LACRT: variants seen among roughly 807,000 people sequenced by gnomAD.
LACRT encodes lacritin, also known as extracellular glycoprotein lacritin.
Under a neutral mutation model 14.5 loss-of-function variants are expected in LACRT, and 14 were observed. The ratio of observed to expected loss-of-function variants is 0.96; its 90% CI spans 0.64 to 1.51. LACRT has a LOEUF of 1.51. Among genes scored for constraint, LACRT ranks in the 40% most tolerant of loss-of-function variants. The probability of loss-of-function intolerance (pLI) is 0.00; values close to 1 mark genes in which losing one functional copy is unlikely to be tolerated. For synonymous variants in LACRT, 70 were observed against 63.5 expected (o/e 1.10, Z -0.48); for missense variants, 156 against 161.8 (o/e 0.96, Z 0.19).
intron 2 of LACRT, 99 bp downstream of exon 2, chr12:54,633,081 G>T: frequency 1.7e-6 from 2 of 1,145,258 alleles, no homozygotes; most frequent in Non-Finnish European, 2.7e-6. Context: ...ACAGAATCCA[G>T]ATCTCCTCCC....
intron 2 of LACRT, 132 bp from the exon 3 acceptor site, chr12:54,632,513 C>T: frequency 9.6e-7 from 1 of 1,044,830 alleles, no homozygotes; most frequent in Non-Finnish European, 1.4e-6. Context: ...TTAAACGCTG[C>T]CCCCTTAAGG....
At position 54,631,736 on chromosome 12, in the gene LACRT, A is replaced by G. The variant is rs201375145; in HGVS notation, c.355+2T>C. ...CAAAGCCTTGCCTTGGGATGCACTC[A>G]CTTTCGATGAATTGTTTTCCACCTG... On this transcript the variant is annotated splice_donor_variant, in intron 4 of 4. Transcript: ENST00000257867. LOFTEE classifies it high-confidence loss of function. 36 of 1,609,104 alleles carry G rather than the reference A, an allele frequency of 2.2e-5. 1 individual carries two copies. In the Admixed American group the frequency reaches 3.8e-4, roughly 17 times the overall value.
intron 3 of LACRT, 89 bp from the exon 4 acceptor site, chr12:54,631,928 CCCCCA>C: frequency 1.4e-6 from 1 of 729,640 alleles, no homozygotes; most frequent in South Asian, 1.5e-5. Context: ...CCGCCCCCCA[CCCCCA>C]CTCCACCCAG....
chr12:54,631,026 A>C (rs1356175627), intron 4 of LACRT, 73 bp from the exon 5 acceptor site: 1 of 919,086 alleles, frequency 1.1e-6, no homozygotes, highest in East Asian at 2.4e-5. Flanking sequence ...ATTTCTCCTC[A>C]ATTCCATCTC....
chr12:54,631,390 C>T (rs1008505919), intron 4 of LACRT, among the ~76,000 whole-genome samples: 1 of 152,200 alleles, frequency 6.6e-6, no homozygotes, highest in Non-Finnish European at 1.5e-5. Flanking sequence ...CAGGCATGTG[C>T]CACCACGCCT....
chr12:54,631,017 T>C lies in LACRT; in HGVS notation c.356-64A>G, dbSNP rs1958149246. On this transcript the variant is annotated intron_variant, in intron 4 of 4. Transcript: ENST00000257867. ...CCAGGCACCAGCTCCACCCCTTCCATTTCTCCTCAATTCCATCTCTGCTTT... is the reference window on the plus strand; with the variant it reads ...CCAGGCACCAGCTCCACCCCTTCCACTTCTCCTCAATTCCATCTCTGCTTT... The C allele has an allele frequency of 8.1e-6, 8 of 986,738 alleles. No individual in the cohort carries two copies. The South Asian group carries it at 1.0e-4, about 13-fold the overall frequency. The allele number at this position is 986,738 out of a possible 1,614,324, so 61.1% of individuals were successfully genotyped here. A position where few individuals can be genotyped will look rare whatever the true frequency, so the allele number is the denominator to read the frequency against.
Position 54,632,324 on chromosome 12 carries a change from G to A in LACRT, c.170C>T (p.Thr57Ile). Residue 57 changes from threonine (T) to isoleucine (I), a missense_variant, in exon 3 of 5, where the codon ACC becomes ATC. Coordinates refer to ENST00000257867, the MANE Select transcript of LACRT (RefSeq NM_033277.2). ...PAEPASPPET[T>I]TTAQETSAAA... The stretch of plus-strand genomic sequence containing the variant: ...CGCCGAAGTCTCCTGGGCTGTTGTG[G>A]TTGTCTCTGGGGGTGAAGCTGGTTC... The A allele has an allele frequency of 3.1e-6, 5 of 1,614,150 alleles. No homozygotes were observed. The highest frequency in any genetic ancestry group is 4.2e-6 in the Non-Finnish European group (5 of 1,180,018).
chr12:54,632,715 G>A (rs1350802083), intron 2 of LACRT, among the ~76,000 whole-genome samples: 1 of 152,112 alleles, frequency 6.6e-6, no homozygotes, highest in East Asian at 1.9e-4. Flanking sequence ...GAGGTCAGGC[G>A]AAGGCATGTG....
chr12:54,633,922 G>C (rs1958170139), intron 1 of LACRT, among the ~76,000 whole-genome samples: 1 of 152,084 alleles, frequency 6.6e-6, no homozygotes, highest in African/African-American at 2.4e-5. Flanking sequence ...TCATTGGCCA[G>C]GTGACATTAG....
At chr12:54,632,609 CG>C (rs1316819815) in intron 2 of LACRT, among the ~76,000 whole-genome samples, 1 of 151,984 alleles carries the variant, frequency 6.6e-6, no homozygotes, top group Non-Finnish European at 1.5e-5. Context: ...TGGTGAGAAT[CG>C]GGGAGCACTT....
intron 2 of LACRT, 137 bp downstream of exon 2, chr12:54,633,043 T>C (rs961351189): frequency 5.9e-6 from 5 of 850,632 alleles, no homozygotes; most frequent in African/African-American, 5.0e-5. Flanking sequence ...TTTATTATAT[T>C]ACCTGCCCCT....
At chr12:54,631,866 C>A in intron 3 of LACRT, 27 bp from the exon 4 acceptor site, 1 of 1,544,052 alleles carries the variant, frequency 6.5e-7, no homozygotes, top group Non-Finnish European at 9.0e-7. Flanking sequence ...ACAATCACAT[C>A]AGCAGAAAAA....
intron 1 of LACRT, among the ~76,000 whole-genome samples, chr12:54,633,856 G>T (rs1481735384): frequency 6.6e-6 from 1 of 152,150 alleles, no homozygotes; most frequent in Admixed American, 6.5e-5. Context: ...TTCCGCATGT[G>T]CATGGAAGGC....
At chr12:54,634,336 A>C (rs1193511604) in intron 1 of LACRT, among the ~76,000 whole-genome samples, 1 of 133,440 alleles carries the variant, frequency 7.5e-6, no homozygotes, top group African/African-American at 2.9e-5. Context: ...TGGGCAACAG[A>C]GGGAGACTCG....
intron 1 of LACRT, 104 bp from the exon 2 acceptor site, chr12:54,633,337 G>A: frequency 1.0e-6 from 1 of 958,708 alleles, no homozygotes; most frequent in Non-Finnish European, 1.6e-6. Flanking sequence ...GAATGCTCAT[G>A]GATAGAAGGG....
At chr12:54,632,766 G>T (rs972820250) in intron 2 of LACRT, among the ~76,000 whole-genome samples, 1 of 152,086 alleles carries the variant, frequency 6.6e-6, no homozygotes, top group African/African-American at 2.4e-5. Flanking sequence ...ATGTGGGTGC[G>T]ACATAAAAGA....
intron 4 of LACRT, 78 bp downstream of exon 4, chr12:54,631,660 C>T: frequency 9.3e-7 from 1 of 1,070,346 alleles, no homozygotes; most frequent in Non-Finnish European, 1.5e-6. Context: ...GGGGCAAGTT[C>T]TGTCCCATAT....
chr12:54,632,320 T>C lies in LACRT; in HGVS notation c.174A>G (p.Thr58=). The change falls in exon 3 of 5, where the codon ACA becomes ACG. Residue 58 remains threonine (T), a synonymous_variant. Coordinates refer to ENST00000257867, the MANE Select transcript of LACRT (RefSeq NM_033277.2). ...CTGCCGCCGAAGTCTCCTGGGCTGT[T>C]GTGGTTGTCTCTGGGGGTGAAGCTG... The part of the protein sequence containing the change: ...AEPASPPETT[T]TAQETSAAAV... 2 of 1,614,094 alleles carry C rather than the reference T, an allele frequency of 1.2e-6. No individual in the cohort carries two copies. The highest frequency in any genetic ancestry group is 8.5e-7 in the Non-Finnish European group (1 of 1,180,006).
Position 54,630,857 on chromosome 12 carries a change from G to T in LACRT, c.*35C>A. ...GCTCTGGGCTACAAGGGTATTTAAG[G>T]CTTTAAGTCCAATGATCCCATTCTT... On this transcript the variant is annotated 3_prime_UTR_variant, in exon 5 of 5. Coordinates refer to ENST00000257867, the MANE Select transcript of LACRT (RefSeq NM_033277.2). 6.7e-7 allele frequency: 1 copy of T among 1,482,934 alleles called. No homozygotes were observed. Among genetic ancestry groups the T allele is most frequent in the South Asian group, 1.1e-5 (1 of 88,424 alleles). The allele number at this position is 1,482,934 out of a possible 1,614,324, so 91.9% of individuals were successfully genotyped here.
Sources: allele counts gnomAD v4.1 joint callset (sites outside exome capture counted in the v4.1 genomes callset), GRCh38; gene constraint gnomAD v4.1.1; transcripts MANE v1.5; gene names NCBI Gene and HGNC (gene_info 2026-07-23, HGNC 2026-07-21).